The following THRB variants were observed in gnomAD, a reference collection of about 807,000 sequenced individuals.
THRB encodes thyroid hormone receptor beta.
A neutral mutation model predicts 47.8 loss-of-function variants in THRB; 12 were observed. That is an observed-to-expected ratio of 0.25 (90% CI 0.16 to 0.41). The LOEUF is 0.41. THRB is among the 10% of genes least tolerant of loss of function. THRB has a pLI of 1.00. For missense variants in THRB, 348 were observed against 589.2 expected (o/e 0.59, Z 4.24); for synonymous variants, 218 against 212.2 (o/e 1.03, Z -0.24).
At chr3:24,303,488 G>C (rs1400972517) in intron 2 of THRB, among the ~76,000 whole-genome samples, 1 of 152,168 alleles carries the variant, frequency 6.6e-6, no homozygotes, top group Non-Finnish European at 1.5e-5. Flanking sequence ...CCAGACACCA[G>C]ACACGTGAGC....
At chr3:24,444,337 A>C (rs1342609397) in intron 1 of THRB, among the ~76,000 whole-genome samples, 1 of 152,188 alleles carries the variant, frequency 6.6e-6, no homozygotes, top group African/African-American at 2.4e-5. Context: ...CAAAAGACAA[A>C]ATACTAAAAG....
intron 3 of THRB, among the ~76,000 whole-genome samples, chr3:24,259,786 T>C (rs1021096697): frequency 6.6e-6 from 1 of 152,290 alleles, no homozygotes; most frequent in African/African-American, 2.4e-5. Flanking sequence ...AATTCAGTTA[T>C]AGATTTAAGT....
intron 10 of THRB, among the ~76,000 whole-genome samples, chr3:24,126,451 C>T (rs2032828727): frequency 6.6e-6 from 1 of 152,140 alleles, no homozygotes; most frequent in Non-Finnish European, 1.5e-5. Flanking sequence ...TCTCGATGTA[C>T]TTGTGACCGA....
intron 3 of THRB, among the ~76,000 whole-genome samples, chr3:24,272,379 A>C (rs1033857568): frequency 1.5e-4 from 23 of 151,828 alleles, no homozygotes; most frequent in African/African-American, 4.4e-4. Context: ...AACAAACAAA[A>C]ACAAACAAAC....
intron 1 of THRB, among the ~76,000 whole-genome samples, chr3:24,409,880 T>G (rs2068133337): frequency 6.6e-6 from 1 of 151,870 alleles, no homozygotes; most frequent in African/African-American, 2.4e-5. Flanking sequence ...TCTGTAGACA[T>G]TCCTGCATTC....
At chr3:24,404,440 A>T (rs1302103652) in intron 1 of THRB, among the ~76,000 whole-genome samples, 1 of 151,926 alleles carries the variant, frequency 6.6e-6, no homozygotes, top group Non-Finnish European at 1.5e-5. Flanking sequence ...CAATGCCATA[A>T]CTGTTTGCGG....
intron 3 of THRB, among the ~76,000 whole-genome samples, chr3:24,275,851 G>A (rs139750889): frequency 1.0e-3 from 158 of 152,204 alleles, no homozygotes; most frequent in African/African-American, 3.6e-3. Flanking sequence ...TGATTCTACA[G>A]TTCAGTTTCA....
intron 1 of THRB, among the ~76,000 whole-genome samples, chr3:24,447,492 T>C (rs990060896): frequency 1.4e-4 from 22 of 152,188 alleles, no homozygotes; most frequent in African/African-American, 4.6e-4. Context: ...TGTTTCATCG[T>C]GTCCTGTTAA....
At chr3:24,209,596 G>A (rs2045795206) in intron 4 of THRB, among the ~76,000 whole-genome samples, 1 of 152,112 alleles carries the variant, frequency 6.6e-6, no homozygotes, top group African/African-American at 2.4e-5. Context: ...AACACCCCAT[G>A]TTCTCACTCA....
intron 3 of THRB, among the ~76,000 whole-genome samples, chr3:24,235,111 T>C (rs2048726539): frequency 6.6e-6 from 1 of 152,198 alleles, no homozygotes; most frequent in Non-Finnish European, 1.5e-5. Context: ...GCAAAAGCAA[T>C]TGCAGTTTTT....
chr3:24,274,856 T>C (rs972188122), intron 3 of THRB, among the ~76,000 whole-genome samples: 2 of 151,984 alleles, frequency 1.3e-5, no homozygotes, highest in African/African-American at 4.8e-5. Context: ...TTATTTGCCT[T>C]TCTATTTATT....
intron 9 of THRB, among the ~76,000 whole-genome samples, chr3:24,132,678 C>T (rs192818648): frequency 4.8e-4 from 73 of 152,324 alleles, no homozygotes; most frequent in Admixed American, 1.2e-3. Context: ...CGAAGAACTC[C>T]GGTGGGACAG....
intron 4 of THRB, among the ~76,000 whole-genome samples, chr3:24,211,382 A>C (rs1259298696): frequency 6.6e-6 from 1 of 152,224 alleles, no homozygotes; most frequent in Non-Finnish European, 1.5e-5. Context: ...GAAACAGTAC[A>C]GGAAACTTCC....
chr3:24,161,051 C>G (rs182688778), intron 5 of THRB, among the ~76,000 whole-genome samples: 5 of 152,362 alleles, frequency 3.3e-5, no homozygotes, highest in Middle Eastern at 3.4e-3. Context: ...AAAGAGCTCA[C>G]GCTTTTGTCT....
At chr3:24,135,820 C>CATATATATATATATATATATAT (rs34338818) in intron 8 of THRB, among the ~76,000 whole-genome samples, 29 of 98,438 alleles carry the variant, frequency 2.9e-4, no homozygotes, top group South Asian at 3.4e-4. Context: ...GGCAGAGAGT[C>CATATATATATATATATATATAT]ATATATATAT....
chr3:24,371,874 ATTC>A (rs2149754101), intron 1 of THRB, among the ~76,000 whole-genome samples: 1 of 152,276 alleles, frequency 6.6e-6, no homozygotes, highest in South Asian at 2.1e-4. Flanking sequence ...GATATTTATG[ATTC>A]TTCAAAAGTA....
intron 1 of THRB, among the ~76,000 whole-genome samples, chr3:24,465,638 A>C (rs1166667651): frequency 2.0e-5 from 3 of 152,198 alleles, no homozygotes; most frequent in Non-Finnish European, 4.4e-5. Context: ...CCCTGACCTC[A>C]AGTGATCTGC....
intron 3 of THRB, among the ~76,000 whole-genome samples, chr3:24,261,126 T>C (rs79784553): frequency 1.3e-5 from 2 of 151,724 alleles, no homozygotes; most frequent in East Asian, 1.9e-4. Context: ...AATTCTCTCC[T>C]TTACCTCTTG....
At chr3:24,169,375 T>A (rs528653008) in intron 5 of THRB, among the ~76,000 whole-genome samples, 4 of 152,254 alleles carry the variant, frequency 2.6e-5, no homozygotes, top group African/African-American at 2.4e-5. Context: ...GCCCCAGCCA[T>A]CATTTTGGTC....
Sources: gnomAD v4.1 joint callset for allele counts (sites outside exome capture counted in the v4.1 genomes callset) on GRCh38, gnomAD v4.1.1 for gene constraint, MANE v1.5 for transcripts, NCBI Gene and HGNC (gene_info 2026-07-23, HGNC 2026-07-21) for gene names.